The following C12orf42 variants were observed in gnomAD, a reference collection of about 807,000 sequenced individuals.
C12orf42 encodes chromosome 12 open reading frame 42.
In C12orf42, 25 loss-of-function variants were observed where a neutral mutation model predicts 21.6. The observed-to-expected ratio is 1.16, with a 90% confidence interval of 0.84 to 1.62. The LOEUF is 1.62. Ranked by LOEUF, C12orf42 falls within the 40% of genes most tolerant of loss-of-function variation. The pLI is 0.00. For synonymous variants in C12orf42, 174 were observed against 175.0 expected (o/e 0.99, Z 0.05); for missense variants, 483 against 459.3 (o/e 1.05, Z -0.47).
intron 2 of C12orf42, among the ~76,000 whole-genome samples, chr12:103,452,932 G>A (rs900152932): frequency 2.6e-5 from 4 of 151,770 alleles, no homozygotes; most frequent in Admixed American, 6.6e-5. Flanking sequence ...TGTAAATGAC[G>A]AGTTAATGGG....
the C12orf42 span, among the ~76,000 whole-genome samples, chr12:103,231,413 A>G: frequency 6.6e-6 from 1 of 152,216 alleles, no homozygotes; most frequent in South Asian, 2.1e-4. Context: ...TTATAGTAAC[A>G]TACAAAGTAG....
At chr12:103,474,734 T>C (rs1192930010) in intron 2 of C12orf42, among the ~76,000 whole-genome samples, 3 of 152,192 alleles carry the variant, frequency 2.0e-5, no homozygotes, top group Admixed American at 2.0e-4. Flanking sequence ...TTCATATCAA[T>C]TCAGAGTAGA....
At chr12:103,222,194 C>G in the C12orf42 span, among the ~76,000 whole-genome samples, 3 of 152,044 alleles carry the variant, frequency 2.0e-5, no homozygotes, top group East Asian at 5.8e-4. Context: ...TGGGTGCAGG[C>G]GGGCTGAGTA....
intron 2 of C12orf42, among the ~76,000 whole-genome samples, chr12:103,439,518 A>G (rs11111581): frequency 0.68 from 34,943 of 51,606 alleles, 12,807 homozygotes; most frequent in Non-Finnish European, 0.73. Context: ...TCTGACAAAG[A>G]GCTAATATCC....
the C12orf42 span, among the ~76,000 whole-genome samples, chr12:103,553,831 A>T: frequency 1.3e-5 from 2 of 152,104 alleles, no homozygotes; most frequent in Non-Finnish European, 2.9e-5. Context: ...TAGGGAAGTC[A>T]CTTTCCCAAG....
At chr12:103,434,752 G>A (rs940068607) in intron 2 of C12orf42, among the ~76,000 whole-genome samples, 6 of 152,182 alleles carry the variant, frequency 3.9e-5, no homozygotes, top group African/African-American at 7.2e-5. Context: ...AGGGTCCTAC[G>A]CCCACGGACT....
chr12:103,277,788 T>G (rs2035860827), intron 4 of C12orf42, among the ~76,000 whole-genome samples: 1 of 151,912 alleles, frequency 6.6e-6, no homozygotes, highest in East Asian at 1.9e-4. Context: ...CCCGGCTAAT[T>G]TTTTGTATTT....
At chr12:103,550,346 A>C in the C12orf42 span, 3 of 152,126 alleles carry the variant, frequency 2.0e-5, no homozygotes, top group African/African-American at 7.2e-5. Context: ...AACTGTCTCA[A>C]AGCTCATGAA....
chr12:103,407,749 A>C (rs998356191), intron 2 of C12orf42, among the ~76,000 whole-genome samples: 3 of 152,196 alleles, frequency 2.0e-5, no homozygotes. Flanking sequence ...TCAAAGGTCA[A>C]CTACAATTCA....
the C12orf42 span, among the ~76,000 whole-genome samples, chr12:103,157,896 A>G: frequency 4.9e-4 from 74 of 152,322 alleles, no homozygotes; most frequent in Admixed American, 3.4e-3. Context: ...AAACATGACC[A>G]TATATGTTAA....
intron 2 of C12orf42, among the ~76,000 whole-genome samples, chr12:103,421,578 TATAAATAAATAAATAAATAAATAAATAA>T (rs58157140): frequency 1.4e-5 from 2 of 147,222 alleles, no homozygotes; most frequent in Non-Finnish European, 3.0e-5. Flanking sequence ...TGTCAATAAA[TATAAATAAATAAATAAATAAATAAATAA>T]ATAAATAAAT....
chr12:103,534,857 A>G, the C12orf42 span, among the ~76,000 whole-genome samples: 1 of 152,210 alleles, frequency 6.6e-6, no homozygotes, highest in African/African-American at 2.4e-5. Flanking sequence ...TTTACTGTTC[A>G]GTATGATAAA....
In C12orf42 at chr12:103,306,147, C is replaced by G. The variant is rs762994360; in HGVS notation, c.458G>C (p.Arg153Thr). ...IFTARGETEE[R>T]ARGAPKQAWN... Reference sequence around the variant, plus strand: ...AGCCTGCTTGGGTGCTCCTCTGGCTCTCTCCTCAGTTTCTCCTCTGGCAGT... The same window carrying G: ...AGCCTGCTTGGGTGCTCCTCTGGCTGTCTCCTCAGTTTCTCCTCTGGCAGT... The change falls in exon 5 of 6, where the codon AGA becomes ACA. Residue 153 changes from arginine (R) to threonine (T), a missense_variant. By Grantham distance (71) the Arg-to-Thr change is moderately conservative. Transcript: ENST00000548883. 6.2e-7 allele frequency: 1 copy of G among 1,613,826 alleles called. No homozygotes were observed. Among genetic ancestry groups the G allele is most frequent in the Non-Finnish European group, 8.5e-7 (1 of 1,179,876 alleles).
At chr12:103,146,560 A>AAAAGAAAGAAAGAAAG in the C12orf42 span, among the ~76,000 whole-genome samples, 2,018 of 119,974 alleles carry the variant, frequency 0.017, 27 homozygotes, top group Middle Eastern at 0.038. Context: ...ATAAAGAAAG[A>AAAAGAAAGAAAGAAAG]AAAGAAAGAA....
chr12:103,498,310 T>C (rs1955624014), upstream of C12orf42, among the ~76,000 whole-genome samples: 1 of 152,254 alleles, frequency 6.6e-6, no homozygotes, highest in Non-Finnish European at 1.5e-5. Context: ...CCCTGGTACC[T>C]AAACAGGGTA....
the C12orf42 span, among the ~76,000 whole-genome samples, chr12:103,158,637 T>C: frequency 6.6e-5 from 10 of 152,098 alleles, no homozygotes; most frequent in African/African-American, 2.4e-4. Context: ...TCCCAGCACT[T>C]TGGGAGGCCG....
At chr12:103,414,962 T>C (rs536213697) in intron 2 of C12orf42, among the ~76,000 whole-genome samples, 1 of 152,148 alleles carries the variant, frequency 6.6e-6, no homozygotes, top group Non-Finnish European at 1.5e-5. Flanking sequence ...TCTTCAAAGA[T>C]ACAGAATAGC....
chr12:103,243,631 T>C (rs2136174708), intron 10 of C12orf42, among the ~76,000 whole-genome samples: 1 of 152,266 alleles, frequency 6.6e-6, no homozygotes, highest in South Asian at 2.1e-4. Context: ...TTCTAGTAAG[T>C]AGAAAATGCT....
the C12orf42 span, among the ~76,000 whole-genome samples, chr12:103,527,645 C>T: frequency 1.3e-5 from 2 of 152,178 alleles, no homozygotes; most frequent in Non-Finnish European, 2.9e-5. Context: ...AAACACATAG[C>T]TATGCAGATG....
Sources: allele counts gnomAD v4.1 joint callset (sites outside exome capture counted in the v4.1 genomes callset), GRCh38; gene constraint gnomAD v4.1.1; transcripts MANE v1.5; gene names NCBI Gene and HGNC (gene_info 2026-07-23, HGNC 2026-07-21).